Variants in SLC17A5 observed in about 807,000 individuals in gnomAD.
SLC17A5 encodes the protein sialin.
Under a neutral mutation model 59.4 loss-of-function variants are expected in SLC17A5, and 47 were observed. The observed-to-expected ratio is 0.79, with a 90% CI of 0.63 to 1.01. SLC17A5 has a LOEUF of 1.01. SLC17A5 is among the 50% of genes least tolerant of loss of function. The probability of loss-of-function intolerance (pLI) is 0.00; values close to 1 mark genes in which losing one functional copy is unlikely to be tolerated. For missense variants in SLC17A5, 522 were observed against 595.5 expected (o/e 0.88, Z 1.28); for synonymous variants, 202 against 210.7 (o/e 0.96, Z 0.36).
intron 9 of SLC17A5, among the ~76,000 whole-genome samples, chr6:73,606,627 C>T (rs577487845): frequency 2.0e-5 from 3 of 152,158 alleles, no homozygotes; most frequent in Non-Finnish European, 4.4e-5. Flanking sequence ...CCCCTGCTGC[C>T]TGTCCAGCAT....
At chr6:73,636,561 G>C in intron 5 of SLC17A5, 60 bp downstream of exon 5, 1 of 923,724 alleles carries the variant, frequency 1.1e-6, no homozygotes, top group Non-Finnish European at 1.8e-6. Context: ...ACATTATTAG[G>C]CTACTATTAT....
intron 6 of SLC17A5, among the ~76,000 whole-genome samples, chr6:73,628,813 TA>T (rs199667689): frequency 0.014 from 2,190 of 152,224 alleles, 67 homozygotes; most frequent in African/African-American, 0.05. Flanking sequence ...GGACAAACTA[TA>T]AAAATTATTT....
intron 1 of SLC17A5, chr6:73,653,495 C>G: frequency 1.0e-6 from 1 of 983,068 alleles, no homozygotes; most frequent in African/African-American, 1.8e-5. Context: ...GCTGCACCGC[C>G]GCTCCCCCGC....
chr6:73,621,235 C>T (rs1180879367), intron 7 of SLC17A5, among the ~76,000 whole-genome samples: 1 of 151,636 alleles, frequency 6.6e-6, no homozygotes, highest in East Asian at 1.9e-4. Context: ...AAACTCCTGA[C>T]CTCAGGTGAT....
rs192258153 is a variant in SLC17A5, at chr6:73,596,911, A to G, written c.1351-1697T>C. ...CGTGGTGGCTCATGCTTGTAATCCC[A>G]GCACTTTGGGAGGCTGAGGTGGGTG... On this transcript the variant is annotated intron_variant, in intron 10 of 10. Coordinates refer to ENST00000355773, the MANE Select transcript of SLC17A5 (RefSeq NM_012434.5). 1.7e-3 allele frequency among the ~76,000 whole-genome samples: 258 copies of G among 152,178 alleles called. 1 individual carries two copies. The highest frequency in any genetic ancestry group is 5.8e-3 in the African/African-American group (242 of 41,506).
At chr6:73,621,579 G>A (rs1047464372) in intron 7 of SLC17A5, among the ~76,000 whole-genome samples, 7 of 152,130 alleles carry the variant, frequency 4.6e-5, no homozygotes, top group South Asian at 2.1e-4. Context: ...TAATATGTCT[G>A]GATACTAGAC....
chr6:73,649,815 T>G (rs889361675), intron 1 of SLC17A5, among the ~76,000 whole-genome samples: 3 of 152,080 alleles, frequency 2.0e-5, no homozygotes, highest in Non-Finnish European at 4.4e-5. Flanking sequence ...TTAGTTCTCA[T>G]TTGTGAGAAA....
chr6:73,623,087 A>G (rs1385695128), intron 6 of SLC17A5, among the ~76,000 whole-genome samples: 1 of 152,148 alleles, frequency 6.6e-6, no homozygotes, highest in Non-Finnish European at 1.5e-5. Context: ...CCCAGGCTGG[A>G]GTGCAGTGGC....
chr6:73,645,025 G>C (rs1769475672), intron 1 of SLC17A5, among the ~76,000 whole-genome samples: 1 of 152,238 alleles, frequency 6.6e-6, no homozygotes, highest in African/African-American at 2.4e-5. Flanking sequence ...CTGAGAAAAA[G>C]ATCTATTCCA....
At position 73,607,282 on chromosome 6, in the gene SLC17A5, A is replaced by ATTT. The variant is rs71000137; in HGVS notation, c.1259+3115_1259+3117dup. Among the ~76,000 whole-genome samples, 427 of 144,024 alleles carry ATTT rather than the reference A, an allele frequency of 3.0e-3. 5 individuals are homozygous for ATTT. The highest frequency in any genetic ancestry group is 8.5e-3 in the African/African-American group (336 of 39,396). 94.5% of individuals were successfully genotyped at this position (144,024 alleles called of 152,430 possible). A position where few individuals can be genotyped will look rare whatever the true frequency, so the allele number is the denominator to read the frequency against. Reference sequence around the variant, plus strand: ...ATTTTCATCTTTTGACAATAGCACTATTTTTTTTTTTTTTGAGATGGAGTT... The same window carrying ATTT: ...ATTTTCATCTTTTGACAATAGCACTATTTTTTTTTTTTTTTTTGAGATGGAGTT... On this transcript the variant is annotated intron_variant, in intron 9 of 10. Transcript: ENST00000355773.
intron 2 of SLC17A5, among the ~76,000 whole-genome samples, chr6:73,643,930 A>G (rs4706548): frequency 0.056 from 8,479 of 152,296 alleles, 420 homozygotes; most frequent in Admixed American, 0.16. Context: ...AGGCAAAATG[A>G]CTTATGTGGC....
intron 6 of SLC17A5, among the ~76,000 whole-genome samples, chr6:73,622,547 C>T (rs1768201127): frequency 6.6e-6 from 1 of 152,134 alleles, no homozygotes; most frequent in African/African-American, 2.4e-5. Flanking sequence ...AGTGATCCGA[C>T]CCAAAGTGCT....
intron 3 of SLC17A5, among the ~76,000 whole-genome samples, chr6:73,638,873 G>A (rs1452654698): frequency 6.6e-6 from 1 of 151,902 alleles, no homozygotes; most frequent in African/African-American, 2.4e-5. Flanking sequence ...AACAAGATAA[G>A]GGTTACAATA....
intron 9 of SLC17A5, among the ~76,000 whole-genome samples, chr6:73,605,917 C>T (rs548887842): frequency 1.1e-3 from 171 of 152,058 alleles, no homozygotes; most frequent in African/African-American, 3.9e-3. Flanking sequence ...GCAGAGGTTG[C>T]GGTGAGCTGA....
chr6:73,595,075 C>T lies in SLC17A5; in HGVS notation c.*2G>A, dbSNP rs1581948318. On this transcript the variant is annotated 3_prime_UTR_variant, in exon 11 of 11. Coordinates refer to ENST00000355773, the MANE Select transcript of SLC17A5 (RefSeq NM_012434.5). ...TAGAGGCAGGATTATTTATTGGTTC[C>T]TTCAGTGTCTGTGTCCATGGTGATC... 1 of 1,613,976 alleles carries T rather than the reference C, an allele frequency of 6.2e-7. No homozygotes were observed. Among genetic ancestry groups the T allele is most frequent in the Non-Finnish European group, 8.5e-7 (1 of 1,179,978 alleles).
At chr6:73,639,376 T>C (rs1228996470) in intron 3 of SLC17A5, among the ~76,000 whole-genome samples, 3 of 152,294 alleles carry the variant, frequency 2.0e-5, no homozygotes, top group Middle Eastern at 3.4e-3. Flanking sequence ...GAAGAATAAA[T>C]GTTTTAATAC....
chr6:73,601,964 T>C (rs79742868), intron 9 of SLC17A5, among the ~76,000 whole-genome samples: 1 of 151,464 alleles, frequency 6.6e-6, no homozygotes, highest in South Asian at 2.1e-4. Flanking sequence ...GAGAACGGGC[T>C]GGGATGACAA....
intron 9 of SLC17A5, among the ~76,000 whole-genome samples, chr6:73,606,720 T>G (rs1297554121): frequency 6.6e-6 from 1 of 152,194 alleles, no homozygotes; most frequent in Non-Finnish European, 1.5e-5. Flanking sequence ...ACTTTCATGT[T>G]TGTGTCTTCA....
At chr6:73,653,061 ACTC>A in intron 1 of SLC17A5, 1 of 985,426 alleles carries the variant, frequency 1.0e-6, no homozygotes, top group Non-Finnish European at 1.2e-6. Context: ...TTACTTTAGA[ACTC>A]CATAGGTATC....
Sources: allele counts gnomAD v4.1 joint callset (sites outside exome capture counted in the v4.1 genomes callset), GRCh38; gene constraint gnomAD v4.1.1; transcripts MANE v1.5; gene names NCBI Gene and HGNC (gene_info 2026-07-23, HGNC 2026-07-21).